The following EYS variants were observed in gnomAD, a reference collection of about 807,000 sequenced individuals.
EYS encodes EGF-like photoreceptor maintenance factor.
A neutral mutation model predicts 282.1 loss-of-function variants in EYS; 250 were observed. That is an observed-to-expected ratio of 0.89 (90% CI 0.80 to 0.98). The LOEUF is 0.98. Ranked by LOEUF, EYS falls within the 50% of genes least tolerant of loss-of-function variation. The pLI is 0.00. For synonymous variants in EYS, 1,355 were observed against 1,282.9 expected (o/e 1.06, Z -1.20); for missense variants, 4,016 against 3,709.0 (o/e 1.08, Z -2.15).
chr6:64,515,504 T>G (rs2150522088), intron 26 of EYS, among the ~76,000 whole-genome samples: 1 of 151,602 alleles, frequency 6.6e-6, no homozygotes, highest in Admixed American at 6.6e-5. Flanking sequence ...TTTTTCTATT[T>G]TAGTCATTTT....
At chr6:65,654,506 C>T (rs1251205118) in intron 1 of EYS, among the ~76,000 whole-genome samples, 1 of 151,716 alleles carries the variant, frequency 6.6e-6, no homozygotes, top group Admixed American at 6.6e-5. Context: ...TAATGACTTC[C>T]CAGTTTTTGA....
At chr6:64,414,827 C>T (rs1774013932) in intron 28 of EYS, among the ~76,000 whole-genome samples, 1 of 152,018 alleles carries the variant, frequency 6.6e-6, no homozygotes, top group Non-Finnish European at 1.5e-5. Context: ...TAGGTAAATC[C>T]TCATTCTTCA....
At chr6:64,938,948 T>C (rs928788358) in intron 15 of EYS, among the ~76,000 whole-genome samples, 1 of 151,756 alleles carries the variant, frequency 6.6e-6, no homozygotes, top group African/African-American at 2.4e-5. Context: ...AGGGGGACTA[T>C]TGTACTGAAT....
intron 12 of EYS, among the ~76,000 whole-genome samples, chr6:65,141,103 C>A (rs1463973964): frequency 3.3e-5 from 5 of 151,728 alleles, no homozygotes; most frequent in East Asian, 1.9e-4. Context: ...AAATGTCCAA[C>A]AATGATAGAC....
At chr6:64,939,670 A>G (rs1359014717) in intron 15 of EYS, among the ~76,000 whole-genome samples, 7 of 149,972 alleles carry the variant, frequency 4.7e-5, no homozygotes, top group Non-Finnish European at 7.4e-5. Flanking sequence ...TATTTCATAC[A>G]CACACACACA....
intron 30 of EYS, among the ~76,000 whole-genome samples, chr6:64,235,065 ATTTTTTAT>A (rs1326576015): frequency 1.4e-5 from 2 of 142,170 alleles, no homozygotes; most frequent in African/African-American, 2.6e-5. Context: ...TTGTATTTTT[ATTTTTTAT>A]TTTTTTATTT....
chr6:64,635,923 G>A (rs1196717923), intron 22 of EYS, among the ~76,000 whole-genome samples: 2 of 152,098 alleles, frequency 1.3e-5, no homozygotes, highest in Non-Finnish European at 1.5e-5. Context: ...TGTACCTCTG[G>A]TAGAATCTGG....
At chr6:64,538,745 A>C (rs1253788314) in intron 26 of EYS, among the ~76,000 whole-genome samples, 1 of 152,174 alleles carries the variant, frequency 6.6e-6, no homozygotes, top group Non-Finnish European at 1.5e-5. Flanking sequence ...AAAAATCTAT[A>C]ATGGGTTTTA....
At chr6:65,438,501 C>G (rs1768175216) in intron 5 of EYS, among the ~76,000 whole-genome samples, 1 of 152,166 alleles carries the variant, frequency 6.6e-6, no homozygotes, top group South Asian at 2.1e-4. Context: ...TATTTCTCCA[C>G]ATCCTCTCTA....
At chr6:63,809,655 GCA>G (rs1485924138) in intron 36 of EYS, among the ~76,000 whole-genome samples, 5 of 151,962 alleles carry the variant, frequency 3.3e-5, no homozygotes, top group African/African-American at 4.8e-5. Flanking sequence ...ATCATTTCAG[GCA>G]CAGTCAAAAG....
chr6:65,334,721 C>A (rs1239575660), intron 11 of EYS, among the ~76,000 whole-genome samples: 1 of 151,780 alleles, frequency 6.6e-6, no homozygotes, highest in Non-Finnish European at 1.5e-5. Context: ...TAACTTAATT[C>A]TACAATGACA....
At chr6:64,424,818 T>C (rs1443571878) in intron 28 of EYS, among the ~76,000 whole-genome samples, 2 of 152,116 alleles carry the variant, frequency 1.3e-5, no homozygotes, top group Non-Finnish European at 1.5e-5. Context: ...GTTAGGAATA[T>C]AGAAAATCAA....
chr6:65,452,568 T>C (rs150348963), intron 5 of EYS, among the ~76,000 whole-genome samples: 45 of 152,132 alleles, frequency 3.0e-4, no homozygotes, highest in Middle Eastern at 3.4e-3. Context: ...AAAAATATTA[T>C]GTAATTGAAA....
intron 12 of EYS, among the ~76,000 whole-genome samples, chr6:65,085,775 G>A (rs1001269517): frequency 2.6e-5 from 4 of 151,800 alleles, no homozygotes; most frequent in Admixed American, 6.6e-5. Flanking sequence ...TTCCCTTTAC[G>A]TAGCTTTTTG....
intron 19 of EYS, among the ~76,000 whole-genome samples, chr6:64,860,589 A>G (rs761423345): frequency 2.6e-5 from 4 of 152,182 alleles, no homozygotes; most frequent in Non-Finnish European, 4.4e-5. Context: ...AGCCCCAAAG[A>G]GGGTGTTGCA....
intron 26 of EYS, among the ~76,000 whole-genome samples, chr6:64,492,952 A>G (rs1776782466): frequency 6.6e-6 from 1 of 151,398 alleles, no homozygotes; most frequent in Non-Finnish European, 1.5e-5. Flanking sequence ...TGCTAATGTC[A>G]TAATGCAAGT....
At chr6:63,842,466 C>G (rs1021645472) in intron 36 of EYS, among the ~76,000 whole-genome samples, 1 of 151,832 alleles carries the variant, frequency 6.6e-6, no homozygotes. Context: ...TTGTTTTTTT[C>G]TTGTAAGTTT....
At chr6:64,868,412 G>A (rs1163744993) in intron 19 of EYS, among the ~76,000 whole-genome samples, 1 of 151,414 alleles carries the variant, frequency 6.6e-6, no homozygotes, top group Non-Finnish European at 1.5e-5. Flanking sequence ...TAAATTTTCT[G>A]TTACAGCTTC....
At chr6:65,035,995 T>A (rs1421833567) in intron 13 of EYS, among the ~76,000 whole-genome samples, 3 of 149,854 alleles carry the variant, frequency 2.0e-5, no homozygotes, top group Non-Finnish European at 4.4e-5. Flanking sequence ...ATAATTTATA[T>A]GGAACCAAAA....
Sources: gnomAD v4.1 joint callset for allele counts (sites outside exome capture counted in the v4.1 genomes callset) on GRCh38, gnomAD v4.1.1 for gene constraint, MANE v1.5 for transcripts, NCBI Gene and HGNC (gene_info 2026-07-23, HGNC 2026-07-21) for gene names.